CCDC149: variants seen among roughly 807,000 people sequenced by gnomAD.
The protein encoded by CCDC149 is coiled-coil domain containing 149, also known as coiled-coil domain-containing protein 149.
Under a neutral mutation model 59.9 loss-of-function variants are expected in CCDC149, and 45 were observed. The observed-to-expected ratio is 0.75, with a 90% CI of 0.59 to 0.96. The LOEUF is 0.96. CCDC149 is among the 40% of genes least tolerant of loss of function. The pLI, the probability that CCDC149 is intolerant of heterozygous loss-of-function variation, is 0.00. For missense variants in CCDC149, 584 were observed against 664.7 expected, an observed-to-expected ratio of 0.88 and a Z score of 1.33; for synonymous variants, 245 against 260.6, an observed-to-expected ratio of 0.94 and a Z score of 0.58.
chr4:24,817,687 C>T (rs1451471993), intron 12 of CCDC149, among the ~76,000 whole-genome samples: 3 of 151,880 alleles, frequency 2.0e-5, no homozygotes, highest in African/African-American at 7.2e-5. Flanking sequence ...GCAAGGCTCC[C>T]TCATCCGTAT....
intron 3 of CCDC149, among the ~76,000 whole-genome samples, chr4:24,870,354 C>A (rs1435796900): frequency 1.3e-5 from 2 of 152,178 alleles, no homozygotes; most frequent in African/African-American, 4.8e-5. Context: ...GTACTTAAAG[C>A]CCACATTACC....
chr4:24,844,193 C>T (rs1717114976), intron 4 of CCDC149, among the ~76,000 whole-genome samples: 1 of 152,126 alleles, frequency 6.6e-6, no homozygotes, highest in Non-Finnish European at 1.5e-5. Flanking sequence ...GTCTACCCCA[C>T]TTCAGCTCCA....
chr4:24,839,210 C>A (rs868317932), intron 4 of CCDC149, among the ~76,000 whole-genome samples: 2 of 150,444 alleles, frequency 1.3e-5, no homozygotes, highest in South Asian at 4.2e-4. Context: ...GACGGAGTCT[C>A]GCTCTGTCGC....
chr4:24,847,362 C>T (rs1717364454), intron 4 of CCDC149, among the ~76,000 whole-genome samples: 2 of 152,312 alleles, frequency 1.3e-5, no homozygotes, highest in Middle Eastern at 3.4e-3. Context: ...GCAAGTCCAT[C>T]CCTAAATCAT....
In CCDC149 at chr4:24,853,081, G is replaced by A. The variant is rs189184855; in HGVS notation, c.363C>T (p.Gly121=). Residue 121 remains glycine, a synonymous_variant, in exon 4 of 13, where the codon GGC becomes GGT. Transcript: ENST00000635206. The stretch of plus-strand genomic sequence containing the variant: ...TAAATACTCACAGTACCTTGTTGTC[G>A]CCCTGGACTTCTCCAAGCCTTTGCT... 4.0e-5 allele frequency: 65 copies of A among 1,607,592 alleles called. No individual in the cohort carries two copies. In the East Asian group the frequency reaches 1.3e-3, roughly 33 times the overall value.
chr4:24,916,504 G>A (rs776668531), upstream of CCDC149, among the ~76,000 whole-genome samples: 7 of 152,032 alleles, frequency 4.6e-5, no homozygotes, highest in Admixed American at 6.6e-5. Context: ...GCCAGGTCTC[G>A]GCAGCCCCAG....
intron 12 of CCDC149, among the ~76,000 whole-genome samples, chr4:24,811,092 G>A (rs1001352829): frequency 3.9e-5 from 6 of 152,172 alleles, no homozygotes; most frequent in African/African-American, 1.4e-4. Flanking sequence ...GGTTGTCTCT[G>A]GAAAGCAGAC....
At chr4:24,891,443 T>A (rs1385959124) in intron 1 of CCDC149, among the ~76,000 whole-genome samples, 1 of 152,218 alleles carries the variant, frequency 6.6e-6, no homozygotes, top group Non-Finnish European at 1.5e-5. Flanking sequence ...CTTCACTGGC[T>A]GCAGATCACC....
intron 3 of CCDC149, among the ~76,000 whole-genome samples, chr4:24,867,365 T>C (rs1718765892): frequency 1.3e-5 from 2 of 152,184 alleles, no homozygotes; most frequent in South Asian, 4.1e-4. Context: ...AGAATCTAAG[T>C]TCTTTTTATT....
At chr4:24,933,191 AG>A (rs1687400123) in intron 1 of CCDC149, among the ~76,000 whole-genome samples, 1 of 152,204 alleles carries the variant, frequency 6.6e-6, no homozygotes, top group Non-Finnish European at 1.5e-5. Flanking sequence ...CTATCCTAAA[AG>A]TGAGGACTTG....
intron 1 of CCDC149, among the ~76,000 whole-genome samples, chr4:24,928,331 T>C (rs1395150811): frequency 6.6e-6 from 1 of 152,206 alleles, no homozygotes; most frequent in African/African-American, 2.4e-5. Flanking sequence ...TATGTGTTGA[T>C]GATGCAGGTG....
At chr4:24,897,266 T>A (rs369807754) in intron 1 of CCDC149, among the ~76,000 whole-genome samples, 1 of 152,262 alleles carries the variant, frequency 6.6e-6, no homozygotes, top group African/African-American at 2.4e-5. Context: ...TGTGGCAGCA[T>A]GCGCTTCAGA....
At chr4:24,848,310 T>C (rs1175672965) in intron 4 of CCDC149, among the ~76,000 whole-genome samples, 2 of 152,096 alleles carry the variant, frequency 1.3e-5, no homozygotes, top group African/African-American at 4.8e-5. Flanking sequence ...GGTGCTAACA[T>C]CTGTAATCCC....
At chr4:24,903,301 C>T (rs1034205828) in intron 1 of CCDC149, among the ~76,000 whole-genome samples, 2 of 152,078 alleles carry the variant, frequency 1.3e-5, no homozygotes, top group African/African-American at 4.8e-5. Context: ...CATAACTCCT[C>T]AAAAGACTAG....
chr4:24,942,903 C>T (rs1160699386), intron 1 of CCDC149, among the ~76,000 whole-genome samples: 1 of 151,732 alleles, frequency 6.6e-6, no homozygotes, highest in Non-Finnish European at 1.5e-5. Flanking sequence ...AAAGAGGATA[C>T]AAACAAATGG....
rs551090269 is a variant in CCDC149, at chr4:24,940,270, C to A, written c.-65+39799G>T. On this transcript the variant is annotated intron_variant, in intron 1 of 12. Transcript: ENST00000389609. Reference sequence around the variant, plus strand: ...ATTCTTAAAGAAAAGAATTTTCAACCCAGAATTTCATATCCAGCCAAACTA... The same window carrying A: ...ATTCTTAAAGAAAAGAATTTTCAACACAGAATTTCATATCCAGCCAAACTA... Among the ~76,000 whole-genome samples the A allele has an allele frequency of 3.2e-4, 49 of 152,240 alleles. No individual in the cohort carries two copies. In the East Asian group the frequency reaches 6.7e-3, roughly 21 times the overall value.
intron 1 of CCDC149, among the ~76,000 whole-genome samples, chr4:24,941,121 T>A (rs922635957): frequency 1.3e-5 from 2 of 152,096 alleles, no homozygotes; most frequent in African/African-American, 4.8e-5. Context: ...CCACACCTAT[T>A]CCAAATTTGA....
In CCDC149 at chr4:24,846,909, T is replaced by C. The variant is rs184061594; in HGVS notation, c.372+6163A>G. On this transcript the variant is annotated intron_variant, in intron 4 of 12. Coordinates refer to ENST00000635206, the MANE Select transcript of CCDC149 (RefSeq NM_001330643.2). ...CATGAAAGTACCATAATCTTTAAAG[T>C]AAACAGACAAGAAGACCAACTGCCA... Among the ~76,000 whole-genome samples the C allele has an allele frequency of 5.0e-3, 767 of 152,288 alleles. 11 individuals are homozygous for C. The highest frequency in any genetic ancestry group is 6.3e-3 in the Non-Finnish European group (429 of 68,032).
intron 1 of CCDC149, among the ~76,000 whole-genome samples, chr4:24,922,059 C>A (rs1047681561): frequency 3.3e-5 from 5 of 152,182 alleles, no homozygotes; most frequent in African/African-American, 4.8e-5. Context: ...CTCTTCACAT[C>A]ATCTTTCCTT....
Sources: gnomAD v4.1 joint callset for allele counts (sites outside exome capture counted in the v4.1 genomes callset) on GRCh38, gnomAD v4.1.1 for gene constraint, MANE v1.5 for transcripts, NCBI Gene and HGNC (gene_info 2026-07-23, HGNC 2026-07-21) for gene names.